The following ANKRD33B variants were observed in gnomAD, a reference collection of about 807,000 sequenced individuals.
ANKRD33B encodes the protein ankyrin repeat domain 33B.
ANKRD33B carries 6 observed loss-of-function variants against 21.5 expected under a neutral mutation model. The ratio of observed to expected loss-of-function variants is 0.28; its 90% CI spans 0.15 to 0.55. The LOEUF is 0.55. ANKRD33B is among the 20% of genes least tolerant of loss of function. The probability of loss-of-function intolerance (pLI) is 0.94; values close to 1 mark genes in which losing one functional copy is unlikely to be tolerated. For missense variants in ANKRD33B, 698 were observed against 747.2 expected, an observed-to-expected ratio of 0.93 and a Z score of 0.77; for synonymous variants, 347 against 342.4, an observed-to-expected ratio of 1.01 and a Z score of -0.15.
intron 1 of ANKRD33B, among the ~76,000 whole-genome samples, chr5:10,608,662 G>GA (rs35432250): frequency 0.34 from 49,845 of 144,712 alleles, 8,829 homozygotes; most frequent in Admixed American, 0.48. Context: ...ACCTCACTAT[G>GA]AAAAAAAAAA....
In ANKRD33B at chr5:10,564,406, C is replaced by T; in HGVS notation, c.-62C>T. On this transcript the variant is annotated 5_prime_UTR_variant, in exon 1 of 4. Transcript: ENST00000296657. The stretch of plus-strand genomic sequence containing the variant: ...AGCGAGAAGCGGGGACCTCGGCGCG[C>T]GCCCCGCGTCCCGCTCTTCCTGCCC... 6 of 997,854 alleles carry T rather than the reference C, an allele frequency of 6.0e-6. No homozygotes were observed. Among genetic ancestry groups the T allele is most frequent in the Non-Finnish European group, 7.2e-6 (6 of 834,448 alleles). 61.8% of individuals were successfully genotyped at this position (997,854 alleles called of 1,614,324 possible).
At chr5:10,573,126 G>A (rs1379053395) in intron 1 of ANKRD33B, among the ~76,000 whole-genome samples, 2 of 152,154 alleles carry the variant, frequency 1.3e-5, no homozygotes, top group Non-Finnish European at 2.9e-5. Flanking sequence ...GTAGAAATAA[G>A]TAAAATCCAC....
chr5:10,622,794 CTTTATTTTAT>C (rs1159054792), intron 2 of ANKRD33B, among the ~76,000 whole-genome samples: 1 of 78,602 alleles, frequency 1.3e-5, no homozygotes, highest in Non-Finnish European at 2.4e-5. Flanking sequence ...TTTGTTTTTG[CTTTATTTTAT>C]TTTATTTTTT....
chr5:10,598,330 A>G (rs754875808), intron 1 of ANKRD33B, among the ~76,000 whole-genome samples: 4 of 152,060 alleles, frequency 2.6e-5, no homozygotes, highest in Non-Finnish European at 5.9e-5. Context: ...GCAATGGCAC[A>G]ATCTCGGCTC....
chr5:10,591,640 A>G (rs1157815303), intron 1 of ANKRD33B, among the ~76,000 whole-genome samples: 2 of 152,172 alleles, frequency 1.3e-5, no homozygotes, highest in African/African-American at 2.4e-5. Flanking sequence ...ATTGTTAAGC[A>G]TATGGTGTCT....
In ANKRD33B at chr5:10,585,388, T is replaced by C. The variant is rs1395758230; in HGVS notation, c.366+20555T>C. On this transcript the variant is annotated intron_variant, in intron 1 of 3. Coordinates refer to ENST00000296657, the MANE Select transcript of ANKRD33B (RefSeq NM_001164440.2). ...ACATTGTCCTTGATGGACAAATCCA[T>C]ATTTGGGATGCTGATCTGTGGTCCT... Among the ~76,000 whole-genome samples, 3 of 152,348 alleles carry C rather than the reference T, an allele frequency of 2.0e-5. No homozygotes were observed. The East Asian group carries it at 5.8e-4, about 29-fold the overall frequency.
intron 2 of ANKRD33B, among the ~76,000 whole-genome samples, chr5:10,631,628 T>C (rs1042264414): frequency 1.3e-5 from 2 of 151,918 alleles, no homozygotes; most frequent in African/African-American, 4.8e-5. Flanking sequence ...CTGAAGGAGG[T>C]GGCTCAATAC....
At chr5:10,584,792 C>T (rs968107166) in intron 1 of ANKRD33B, among the ~76,000 whole-genome samples, 2 of 152,172 alleles carry the variant, frequency 1.3e-5, no homozygotes, top group Admixed American at 6.5e-5. Context: ...CAAATACATG[C>T]ACCTCTTCTC....
At chr5:10,583,035 C>T (rs989081976) in intron 1 of ANKRD33B, among the ~76,000 whole-genome samples, 4 of 148,870 alleles carry the variant, frequency 2.7e-5, no homozygotes, top group Non-Finnish European at 4.4e-5. Context: ...CTTGCTCTGT[C>T]GCCCAGGCTG....
In ANKRD33B at chr5:10,642,727, G is replaced by A. The variant is rs117115547; in HGVS notation, c.637+4559G>A. 5.3e-5 allele frequency among the ~76,000 whole-genome samples: 8 copies of A among 152,230 alleles called. No homozygotes were observed. In the East Asian group the frequency reaches 1.5e-3, roughly 29 times the overall value. On this transcript the variant is annotated intron_variant, in intron 3 of 3. Coordinates refer to ENST00000296657, the MANE Select transcript of ANKRD33B (RefSeq NM_001164440.2). ...GATTATTGTTATTATTATGATTATT[G>A]GTGAGTTTATGTGTTCAATAGTTAT...
At chr5:10,618,862 G>A (rs1212463533) in intron 2 of ANKRD33B, among the ~76,000 whole-genome samples, 2 of 152,100 alleles carry the variant, frequency 1.3e-5, no homozygotes, top group African/African-American at 4.8e-5. Flanking sequence ...ACGTGTAGAA[G>A]GTGACTTTGC....
chr5:10,640,952 G>C (rs1737039084), intron 3 of ANKRD33B, among the ~76,000 whole-genome samples: 1 of 152,186 alleles, frequency 6.6e-6, no homozygotes, highest in Non-Finnish European at 1.5e-5. Flanking sequence ...GTTTGATTCA[G>C]GAGGGCACAG....
chr5:10,647,620 C>T (rs959977388), intron 3 of ANKRD33B, among the ~76,000 whole-genome samples: 1 of 152,040 alleles, frequency 6.6e-6, no homozygotes, highest in Non-Finnish European at 1.5e-5. Flanking sequence ...TGTAAGGGGA[C>T]CTATCAGTCA....
At chr5:10,582,130 G>T (rs1735456809) in intron 1 of ANKRD33B, among the ~76,000 whole-genome samples, 2 of 152,156 alleles carry the variant, frequency 1.3e-5, no homozygotes, top group Non-Finnish European at 2.9e-5. Context: ...TATTCCTTTT[G>T]CCTCCAGGGC....
intron 1 of ANKRD33B, among the ~76,000 whole-genome samples, chr5:10,567,860 G>A (rs777121747): frequency 1.3e-5 from 2 of 152,186 alleles, no homozygotes; most frequent in East Asian, 3.8e-4. Flanking sequence ...GGCCCGGACA[G>A]CTTTGGTGCA....
chr5:10,635,768 T>G (rs1038144699), intron 2 of ANKRD33B, among the ~76,000 whole-genome samples: 5 of 152,218 alleles, frequency 3.3e-5, no homozygotes, highest in Non-Finnish European at 7.3e-5. Flanking sequence ...AGGAGGAAAC[T>G]GGGTTCCAAC....
chr5:10,589,584 CAT>C (rs1331969077), intron 1 of ANKRD33B, among the ~76,000 whole-genome samples: 5 of 152,236 alleles, frequency 3.3e-5, no homozygotes, highest in Admixed American at 2.6e-4. Context: ...TTTCATATCA[CAT>C]GTTTACTAGC....
intron 1 of ANKRD33B, among the ~76,000 whole-genome samples, chr5:10,574,012 T>A (rs1735261439): frequency 1.3e-5 from 2 of 152,182 alleles, no homozygotes; most frequent in South Asian, 4.1e-4. Context: ...GGGCCTCCTC[T>A]CAGTCATGCT....
rs1281635298 is a variant in ANKRD33B, at chr5:10,655,247, C to T, written c.*5134C>T. On this transcript the variant is annotated 3_prime_UTR_variant, in exon 4 of 4. Coordinates refer to ENST00000296657, the MANE Select transcript of ANKRD33B (RefSeq NM_001164440.2). ...GGCTGTTGTGAGTGAAACAGAAGCCCCTGGCATAGGGCCAGACCCTAGGCC... is the reference window on the plus strand; with the variant it reads ...GGCTGTTGTGAGTGAAACAGAAGCCTCTGGCATAGGGCCAGACCCTAGGCC... 3 of 152,448 alleles carry T rather than the reference C, an allele frequency of 2.0e-5. No homozygotes were observed. The highest frequency in any genetic ancestry group is 4.2e-4 in the South Asian group (2 of 4,816). 9.4% of individuals were successfully genotyped at this position (152,448 alleles called of 1,614,324 possible). A position where few individuals can be genotyped will look rare whatever the true frequency, so the allele number is the denominator to read the frequency against.
Sources: allele counts gnomAD v4.1 joint callset (sites outside exome capture counted in the v4.1 genomes callset), GRCh38; gene constraint gnomAD v4.1.1; transcripts MANE v1.5; gene names NCBI Gene and HGNC (gene_info 2026-07-23, HGNC 2026-07-21).